ADAMTSL1: variants seen among roughly 807,000 people sequenced by gnomAD.
ADAMTSL1 encodes the protein ADAMTS-like protein 1.
ADAMTSL1 carries 126 observed loss-of-function variants against 201.8 expected under a neutral mutation model. That is an observed-to-expected ratio of 0.62 (90% CI 0.54 to 0.72). The LOEUF is 0.72. Among genes scored for constraint, ADAMTSL1 ranks in the 30% least tolerant of loss-of-function variants. The pLI, the probability that ADAMTSL1 is intolerant of heterozygous loss-of-function variation, is 0.00. For missense variants in ADAMTSL1, 2,679 were observed against 2,277.8 expected (o/e 1.18, Z -3.59); for synonymous variants, 1,121 against 903.4 (o/e 1.24, Z -4.32).
chr9:17,974,447 T>A (rs1229866548), intron 1 of ADAMTSL1, among the ~76,000 whole-genome samples: 1 of 152,064 alleles, frequency 6.6e-6, no homozygotes, highest in Non-Finnish European at 1.5e-5. Context: ...GTAGTCACCA[T>A]GCTGTACTGA....
chr9:18,328,918 T>C (rs963384624), intron 2 of ADAMTSL1, among the ~76,000 whole-genome samples: 11 of 152,192 alleles, frequency 7.2e-5, no homozygotes, highest in African/African-American at 2.4e-4. Flanking sequence ...TTCCTCTCTG[T>C]AGCCACAGTT....
At chr9:18,679,972 TTA>T (rs1409058685) in intron 10 of ADAMTSL1, among the ~76,000 whole-genome samples, 1 of 152,244 alleles carries the variant, frequency 6.6e-6, no homozygotes, top group African/African-American at 2.4e-5. Flanking sequence ...AAAATAAATT[TTA>T]TATATACATA....
intron 3 of ADAMTSL1, among the ~76,000 whole-genome samples, chr9:18,534,522 T>C (rs1270402766): frequency 1.3e-5 from 2 of 152,248 alleles, no homozygotes. Flanking sequence ...AAGAGGTATA[T>C]GCATATTTAG....
rs375819791 is a variant in ADAMTSL1 at position 18,745,839 on chromosome 9, T to C, written c.2007-7459T>C. 2.2e-3 allele frequency among the ~76,000 whole-genome samples: 331 copies of C among 152,320 alleles called. 2 individuals carry two copies. The highest frequency in any genetic ancestry group is 7.5e-3 in the African/African-American group (312 of 41,580). ...ACAGTAAGAAATCTGGCTCCCATTA[T>C]TTTTTATGTATTTATGTGTTTGTTC... On this transcript the variant is annotated intron_variant, in intron 15 of 28. Coordinates refer to ENST00000380548, the MANE Select transcript of ADAMTSL1 (RefSeq NM_001040272.6).
intron 1 of ADAMTSL1, among the ~76,000 whole-genome samples, chr9:18,111,212 T>C (rs1313760517): frequency 6.6e-6 from 1 of 152,204 alleles, no homozygotes; most frequent in Admixed American, 6.5e-5. Flanking sequence ...TTCCCAATCA[T>C]CATAATGACA....
chr9:18,621,556 CCACACACACACACA>C lies in ADAMTSL1; in HGVS notation c.475-656_475-643del, dbSNP rs57351480. 4.1e-3 allele frequency among the ~76,000 whole-genome samples: 594 copies of C among 143,724 alleles called. 3 individuals are homozygous for C. The highest frequency in any genetic ancestry group is 4.3e-3 in the Non-Finnish European group (286 of 65,880). 94.3% of individuals were successfully genotyped at this position (143,724 alleles called of 152,430 possible). A position where few individuals can be genotyped will look rare whatever the true frequency, so the allele number is the denominator to read the frequency against. On this transcript the variant is annotated intron_variant, in intron 4 of 28. Transcript: ENST00000380548. ...CTGCCCTTCATGCAACCGTCCTCTT[CCACACACACACACA>C]CACACACACACACACACACACACAC...
intron 2 of ADAMTSL1, among the ~76,000 whole-genome samples, chr9:18,462,316 A>T (rs1820837426): frequency 6.6e-6 from 1 of 152,202 alleles, no homozygotes; most frequent in Admixed American, 6.5e-5. Flanking sequence ...CCTTCAACGA[A>T]TACTTGATCA....
At chr9:18,278,521 A>G (rs1329643294) in intron 2 of ADAMTSL1, among the ~76,000 whole-genome samples, 1 of 152,070 alleles carries the variant, frequency 6.6e-6, no homozygotes, top group Non-Finnish European at 1.5e-5. Flanking sequence ...AAATCCACTG[A>G]TAGTCTTATG....
chr9:18,372,103 A>G (rs946591931), intron 2 of ADAMTSL1, among the ~76,000 whole-genome samples: 4 of 152,318 alleles, frequency 2.6e-5, no homozygotes, highest in Non-Finnish European at 4.4e-5. Flanking sequence ...CACTTCCTCA[A>G]TGACTGATTT....
chr9:18,264,968 A>C (rs899236378), intron 2 of ADAMTSL1, among the ~76,000 whole-genome samples: 16 of 152,198 alleles, frequency 1.1e-4, no homozygotes, highest in Admixed American at 2.0e-4. Flanking sequence ...AAATTGTCTT[A>C]CAAAGTTGTT....
intron 1 of ADAMTSL1, among the ~76,000 whole-genome samples, chr9:18,018,515 G>C (rs1468594916): frequency 6.6e-6 from 1 of 152,066 alleles, no homozygotes; most frequent in African/African-American, 2.4e-5. Flanking sequence ...ATAAAAGGCT[G>C]TGGTTTTCTT....
At chr9:18,733,062 A>G (rs1818305710) in intron 15 of ADAMTSL1, among the ~76,000 whole-genome samples, 1 of 152,208 alleles carries the variant, frequency 6.6e-6, no homozygotes, top group Admixed American at 6.5e-5. Flanking sequence ...CAAAGCAGTT[A>G]CTGAGAACCT....
chr9:18,829,771 C>G (rs1824857209), intron 22 of ADAMTSL1, 72 bp from the exon 23 acceptor site: 2 of 1,587,840 alleles, frequency 1.3e-6, no homozygotes, highest in Non-Finnish European at 1.7e-6. Context: ...CACATGCATA[C>G]CCACCTCTTC....
chr9:18,643,330 G>C (rs1360675826), intron 7 of ADAMTSL1, among the ~76,000 whole-genome samples: 1 of 151,998 alleles, frequency 6.6e-6, no homozygotes, highest in Non-Finnish European at 1.5e-5. Flanking sequence ...CCCCTTATCA[G>C]AAGTGTGATT....
rs186186967 is a variant in ADAMTSL1, at chr9:18,503,745, G to C, written c.64-1084G>C. Among the ~76,000 whole-genome samples the C allele has an allele frequency of 1.4e-3, 215 of 152,156 alleles. 2 individuals carry two copies. The highest frequency in any genetic ancestry group is 4.8e-3 in the African/African-American group (200 of 41,490). ...CCTTTCCAATGATTCAGGAAACTAA[G>C]TATAGCATGTACCAGTTGGAAAACC... On this transcript the variant is annotated intron_variant, in intron 1 of 28. Coordinates refer to ENST00000380548, the MANE Select transcript of ADAMTSL1 (RefSeq NM_001040272.6).
chr9:18,823,165 C>T (rs1177703621), intron 21 of ADAMTSL1, among the ~76,000 whole-genome samples: 6 of 152,194 alleles, frequency 3.9e-5, no homozygotes, highest in Non-Finnish European at 8.8e-5. Flanking sequence ...TCGGCAAACT[C>T]ATAATGCAGA....
At chr9:18,342,989 C>T (rs1331291575) in intron 2 of ADAMTSL1, among the ~76,000 whole-genome samples, 1 of 151,938 alleles carries the variant, frequency 6.6e-6, no homozygotes, top group Non-Finnish European at 1.5e-5. Flanking sequence ...CACTAGACTG[C>T]ACCCATTTTT....
At chr9:18,746,792 A>T (rs1819173336) in intron 15 of ADAMTSL1, among the ~76,000 whole-genome samples, 1 of 147,344 alleles carries the variant, frequency 6.8e-6, no homozygotes, top group South Asian at 2.1e-4. Flanking sequence ...AAAAAAAAAA[A>T]ATTCCTCCTT....
chr9:18,880,038 C>T (rs1297423834), intron 23 of ADAMTSL1, among the ~76,000 whole-genome samples: 2 of 152,202 alleles, frequency 1.3e-5, no homozygotes, highest in Non-Finnish European at 2.9e-5. Flanking sequence ...TAAAAAGCAA[C>T]TCCTCATCCA....
Sources: allele counts gnomAD v4.1 joint callset (sites outside exome capture counted in the v4.1 genomes callset), GRCh38; gene constraint gnomAD v4.1.1; transcripts MANE v1.5; gene names NCBI Gene and HGNC (gene_info 2026-07-23, HGNC 2026-07-21).